The following ELF2 variants were observed in gnomAD, a reference collection of about 807,000 sequenced individuals.
The protein encoded by ELF2 is E74 like ETS transcription factor 2, also known as ETS-related transcription factor Elf-2.
In ELF2, 11 loss-of-function variants were observed where a neutral mutation model predicts 54.8. The observed-to-expected ratio is 0.20, with a 90% CI of 0.13 to 0.33. ELF2 has a LOEUF of 0.33. ELF2 is among the 10% of genes least tolerant of loss of function. The probability of loss-of-function intolerance (pLI) is 1.00; values close to 1 mark genes in which losing one functional copy is unlikely to be tolerated. For missense variants in ELF2, 513 were observed against 703.0 expected (o/e 0.73, Z 3.06); for synonymous variants, 203 against 245.1 (o/e 0.83, Z 1.61).
rs113115879 is a variant in ELF2, at chr4:139,060,391, G to T, written c.1090C>A (p.Pro364Thr). The T allele has an allele frequency of 6.2e-7, 1 of 1,614,082 alleles. No individual in the cohort carries two copies. Among genetic ancestry groups the T allele is most frequent in the Non-Finnish European group, 8.5e-7 (1 of 1,180,024 alleles). The change falls in exon 9 of 10, where the codon CCT (proline) becomes ACT (threonine). Residue 364 changes from proline to threonine, a missense_variant. This residue lies in a region of ELF2 where 291 missense variants were observed against 366.1 expected (regional missense o/e 0.79). Coordinates refer to ENST00000686138, the MANE Select transcript of ELF2 (RefSeq NM_001331036.3). ...GACCTGGATGAAGCATCGTGCCCAG[G>T]GGAAGTGATATTCACAACTCTAGCT... ...GVARVVNITSPGHDASSRSPT... is the reference protein window; with the variant it reads ...GVARVVNITSTGHDASSRSPT...
chr4:139,087,524 G>A (rs1285175002), intron 4 of ELF2, among the ~76,000 whole-genome samples: 1 of 152,194 alleles, frequency 6.6e-6, no homozygotes, highest in African/African-American at 2.4e-5. Flanking sequence ...GGAGTACAGT[G>A]GCGCGATCTC....
intron 3 of ELF2, among the ~76,000 whole-genome samples, chr4:139,135,229 CTA>C (rs201249516): frequency 0.072 from 9,059 of 126,426 alleles, 295 homozygotes; most frequent in Non-Finnish European, 0.09. Context: ...ACATATACTA[CTA>C]TATATATGTG....
chr4:139,172,597 C>T (rs1420741838), intron 1 of ELF2, among the ~76,000 whole-genome samples: 1 of 152,014 alleles, frequency 6.6e-6, no homozygotes, highest in Non-Finnish European at 1.5e-5. Flanking sequence ...CAAAAAGAAG[C>T]TGTAAAATAC....
intron 6 of ELF2, among the ~76,000 whole-genome samples, chr4:139,070,459 T>C (rs1336395840): frequency 6.6e-6 from 1 of 151,792 alleles, no homozygotes; most frequent in Non-Finnish European, 1.5e-5. Flanking sequence ...GCTGGCTAAG[T>C]TTTGTATTTT....
At chr4:139,068,033 T>G (rs1728968357) in intron 6 of ELF2, among the ~76,000 whole-genome samples, 1 of 143,004 alleles carries the variant, frequency 7.0e-6, no homozygotes, top group Non-Finnish European at 1.5e-5. Flanking sequence ...TTTGCCAATC[T>G]TTTTTTTTTT....
At chr4:139,156,468 C>A (rs1015325532) in intron 1 of ELF2, among the ~76,000 whole-genome samples, 2 of 152,244 alleles carry the variant, frequency 1.3e-5, no homozygotes, top group African/African-American at 4.8e-5. Flanking sequence ...CGTTAGCCAC[C>A]ATGCCCGGCC....
chr4:139,132,410 A>T (rs188614954), intron 3 of ELF2, among the ~76,000 whole-genome samples: 4 of 152,246 alleles, frequency 2.6e-5, no homozygotes, highest in Admixed American at 2.0e-4. Flanking sequence ...AAGTTCCCTC[A>T]TACCTAACTT....
intron 3 of ELF2, among the ~76,000 whole-genome samples, chr4:139,135,615 T>C (rs1738071437): frequency 6.6e-6 from 1 of 152,136 alleles, no homozygotes; most frequent in Non-Finnish European, 1.5e-5. Flanking sequence ...AAGTACTTCA[T>C]AGATAGTTAA....
At chr4:139,135,114 C>T (rs1463073329) in intron 3 of ELF2, among the ~76,000 whole-genome samples, 2 of 151,830 alleles carry the variant, frequency 1.3e-5, no homozygotes, top group East Asian at 3.8e-4. Flanking sequence ...ATACCTACCA[C>T]TTTTTAAATA....
chr4:139,084,810 C>T (rs973101901), intron 4 of ELF2, among the ~76,000 whole-genome samples: 4 of 152,212 alleles, frequency 2.6e-5, no homozygotes, highest in African/African-American at 9.7e-5. Flanking sequence ...AACCAGTTCA[C>T]TTGAAACATC....
chr4:139,077,907 A>G (rs2148712708), intron 4 of ELF2, among the ~76,000 whole-genome samples: 1 of 152,342 alleles, frequency 6.6e-6, no homozygotes, highest in East Asian at 1.9e-4. Flanking sequence ...AGCTAAAAGT[A>G]GTCTGACAGG....
intron 1 of ELF2, among the ~76,000 whole-genome samples, chr4:139,162,554 ATGTAAAT>A (rs1333865303): frequency 6.6e-6 from 1 of 152,140 alleles, no homozygotes; most frequent in Non-Finnish European, 1.5e-5. Flanking sequence ...TAAATAAATA[ATGTAAAT>A]ACAAATGGAA....
Position 139,073,509 on chromosome 4 carries a change from A to C in ELF2, c.297T>G (p.Ala99=), listed in dbSNP as rs780730654. ...AHCTDKTIEA[A]EALLHMESPT... ...GAGATTCCATATGAAGCAGGGCTTC[A>C]GCAGCTTCAATTGTCTTATCTGTAC... Residue 99 remains alanine, a synonymous_variant, in exon 5 of 10, where the codon GCT becomes GCG. Transcript: ENST00000686138. 2 of 1,610,164 alleles carry C rather than the reference A, an allele frequency of 1.2e-6. No homozygotes were observed. The highest frequency in any genetic ancestry group is 3.3e-5 in the Admixed American group (2 of 59,870).
At chr4:139,090,588 C>G (rs978398003) in intron 4 of ELF2, among the ~76,000 whole-genome samples, 6 of 152,142 alleles carry the variant, frequency 3.9e-5, no homozygotes, top group Non-Finnish European at 5.9e-5. Context: ...CTTCTGCCAG[C>G]CTGCTGTTTG....
chr4:139,082,289 A>G (rs1426022158), intron 4 of ELF2, among the ~76,000 whole-genome samples: 1 of 152,174 alleles, frequency 6.6e-6, no homozygotes, highest in Non-Finnish European at 1.5e-5. Context: ...CAACAACTTC[A>G]CGTATCGTTA....
At chr4:139,061,540 A>C (rs1183708955) in intron 8 of ELF2, among the ~76,000 whole-genome samples, 1 of 152,164 alleles carries the variant, frequency 6.6e-6, no homozygotes. Context: ...ACCCCTAAAA[A>C]CTAAAAAACA....
intron 3 of ELF2, among the ~76,000 whole-genome samples, chr4:139,129,628 T>C (rs1210192147): frequency 6.6e-6 from 1 of 152,244 alleles, no homozygotes; most frequent in Non-Finnish European, 1.5e-5. Context: ...AATATTTCTG[T>C]CCTTTAAAGT....
intron 4 of ELF2, chr4:139,116,583 T>C (rs750886741): frequency 2.6e-6 from 2 of 766,142 alleles, no homozygotes; most frequent in Non-Finnish European, 3.2e-6. Context: ...ATGGTAAAGG[T>C]AGATGAAATA....
chr4:139,107,310 T>C (rs1038268268), intron 4 of ELF2, among the ~76,000 whole-genome samples: 4 of 152,192 alleles, frequency 2.6e-5, no homozygotes, highest in Non-Finnish European at 4.4e-5. Context: ...TAGGCCTCTT[T>C]ATAAATAGAC....
Sources: gnomAD v4.1 joint callset for allele counts (sites outside exome capture counted in the v4.1 genomes callset) on GRCh38, gnomAD v4.1.1 for gene constraint, gnomAD v4.1.1 regional missense constraint, MANE v1.5 for transcripts, NCBI Gene and HGNC (gene_info 2026-07-23, HGNC 2026-07-21) for gene names.